ZFP36L2: variants seen among roughly 807,000 people sequenced by gnomAD.
ZFP36L2 encodes the protein mRNA decay activator protein ZFP36L2.
ZFP36L2 carries 16 observed loss-of-function variants against 27.9 expected under a neutral mutation model. That is an observed-to-expected ratio of 0.57 (90% CI 0.39 to 0.87). The LOEUF is 0.87. ZFP36L2 is among the 40% of genes least tolerant of loss of function. The probability of loss-of-function intolerance (pLI) is 0.00; values close to 1 mark genes in which losing one functional copy is unlikely to be tolerated. For synonymous variants in ZFP36L2, 600 were observed against 363.8 expected (o/e 1.65, Z -7.39); for missense variants, 989 against 726.9 (o/e 1.36, Z -4.15).
In ZFP36L2 at chr2:43,226,482, G is replaced by C. The variant is rs979357194; in HGVS notation, c.-167C>G. 1 of 838,860 alleles carries C rather than the reference G, an allele frequency of 1.2e-6. No individual in the cohort carries two copies. The highest frequency in any genetic ancestry group is 1.9e-6 in the Non-Finnish European group (1 of 537,048). 52.0% of individuals were successfully genotyped at this position (838,860 alleles called of 1,614,324 possible). A position where few individuals can be genotyped will look rare whatever the true frequency, so the allele number is the denominator to read the frequency against. ...AGGGCGAGTGCAGCGGCGCGGGCCG[G>C]CGGGAGGGTCCGGCGGAGTGCGGCA... On this transcript the variant is annotated 5_prime_UTR_variant, in exon 1 of 2. Coordinates refer to ENST00000282388, the MANE Select transcript of ZFP36L2 (RefSeq NM_006887.5).
In ZFP36L2 at chr2:43,225,059, C is replaced by T. The variant is rs1488231952; in HGVS notation, c.745G>A (p.Glu249Lys). ...RDALHLGFPR[E>K]PRPKLHHSLS... ...CTGTGGTGCAACTTGGGCCGCGGCT[C>T]CCGCGGGAAGCCCAGGTGCAACGCA... The change falls in exon 2 of 2, where the codon GAG (glutamate) becomes AAG (lysine). Residue 249 changes from glutamate to lysine, a missense_variant. Coordinates refer to ENST00000282388, the MANE Select transcript of ZFP36L2 (RefSeq NM_006887.5). 9.4e-6 allele frequency: 15 copies of T among 1,594,882 alleles called. No homozygotes were observed. In the South Asian group the frequency reaches 1.4e-4, roughly 15 times the overall value.
At position 43,224,260 on chromosome 2, in the gene ZFP36L2, G is replaced by GGGT; in HGVS notation, c.*56_*58dup. 6.9e-7 allele frequency: 1 copy of GGGT among 1,454,382 alleles called. No homozygotes were observed. Among genetic ancestry groups the GGGT allele is most frequent in the Non-Finnish European group, 9.1e-7 (1 of 1,102,034 alleles). The allele number at this position is 1,454,382 out of a possible 1,614,324, so 90.1% of individuals were successfully genotyped here. On this transcript the variant is annotated 3_prime_UTR_variant, in exon 2 of 2. Transcript: ENST00000282388. ...CCCCCAGCAAGGGCGAGATGGCGAG[G>GGGT]GGTGTCCTCCAACATCTCTGAACCG...
rs531595158 is a variant in ZFP36L2 at position 43,226,292 on chromosome 2, G to A, written c.24C>T (p.Ala8=). 3.8e-5 allele frequency: 60 copies of A among 1,589,640 alleles called. 2 individuals are homozygous for A. In the South Asian group the frequency reaches 5.9e-4, roughly 16 times the overall value. The part of the protein sequence containing the change: MSTTLLS[A]FYDVDFLCKT... The stretch of plus-strand genomic sequence containing the variant: ...TGCACAAGAAGTCGACATCGTAGAA[G>A]GCGGACAGAAGTGTGGTCGACATGT... Residue 8 remains alanine (A), a synonymous_variant, in exon 1 of 2, where the codon GCC becomes GCT. Coordinates refer to ENST00000282388, the MANE Select transcript of ZFP36L2 (RefSeq NM_006887.5).
At position 43,224,770 on chromosome 2, in the gene ZFP36L2, G is replaced by A. The variant is rs763570627; in HGVS notation, c.1034C>T (p.Ala345Val). The change falls in exon 2 of 2, where the codon GCG (alanine) becomes GTG (valine). Residue 345 changes from alanine to valine, a missense_variant. Transcript: ENST00000282388. ...YGTGGAEDLL[A>V]PGAPCAACSS... ...GCAGGCCGCGCACGGGGCCCCCGGC[G>A]CCAGCAGGTCCTCGGCGCCCCCGGT... 9 of 1,481,824 alleles carry A rather than the reference G, an allele frequency of 6.1e-6. No homozygotes were observed. The African/African-American group carries it at 1.0e-4, about 17-fold the overall frequency. The allele number at this position is 1,481,824 out of a possible 1,614,324, so 91.8% of individuals were successfully genotyped here.
chr2:43,222,511 C>T lies in ZFP36L2; in HGVS notation c.*1808G>A, dbSNP rs528112946. 2.6e-5 allele frequency: 4 copies of T among 152,464 alleles called. No individual in the cohort carries two copies. The South Asian group carries it at 6.2e-4, about 24-fold the overall frequency. 9.4% of individuals were successfully genotyped at this position (152,464 alleles called of 1,614,324 possible). A position where few individuals can be genotyped will look rare whatever the true frequency, so the allele number is the denominator to read the frequency against. ...TGATTCCCCAAAATATATTACAACT[C>T]AAGTTGACTTATCTTGTTACATTCA... On this transcript the variant is annotated 3_prime_UTR_variant, in exon 2 of 2. Transcript: ENST00000282388.
Position 43,224,525 on chromosome 2 carries a change from G to T in ZFP36L2, c.1279C>A (p.Pro427Thr). 1 of 1,471,548 alleles carries T rather than the reference G, an allele frequency of 6.8e-7. No individual in the cohort carries two copies. The highest frequency in any genetic ancestry group is 9.0e-7 in the Non-Finnish European group (1 of 1,116,586). The allele number at this position is 1,471,548 out of a possible 1,614,324, so 91.2% of individuals were successfully genotyped here. ...CGCGGCAGCTGGAAGCTGAAGGGCG[G>T]CGAGGGAGGTGCGGCGGCCCCGGCG... ...LPAGAAAPPS[P>T]PFSFQLPRRL... is the part of the protein sequence containing the mutation. The change falls in exon 2 of 2, where the codon CCG becomes ACG. Residue 427 changes from proline to threonine, a missense_variant. By Grantham distance (38) the Pro-to-Thr change is conservative. Coordinates refer to ENST00000282388, the MANE Select transcript of ZFP36L2 (RefSeq NM_006887.5).
chr2:43,223,997 T>C lies in ZFP36L2; in HGVS notation c.*322A>G, dbSNP rs868803928. 95 of 237,968 alleles carry C rather than the reference T, an allele frequency of 4.0e-4. No homozygotes were observed. The highest frequency in any genetic ancestry group is 2.0e-3 in the African/African-American group (91 of 44,450). 14.7% of individuals were successfully genotyped at this position (237,968 alleles called of 1,614,324 possible). On this transcript the variant is annotated 3_prime_UTR_variant, in exon 2 of 2. Transcript: ENST00000282388. ...GTCCTAACAAAGTTTAAGTGTTTTT[T>C]TTTTTTTTTTGTTCTATTCGTATCA...
At position 43,224,270 on chromosome 2, in the gene ZFP36L2, C is replaced by T; in HGVS notation, c.*49G>A. On this transcript the variant is annotated 3_prime_UTR_variant, in exon 2 of 2. Coordinates refer to ENST00000282388, the MANE Select transcript of ZFP36L2 (RefSeq NM_006887.5). Reference sequence around the variant, plus strand: ...GGGCGAGATGGCGAGGGGTGTCCTCCAACATCTCTGAACCGCCTTCCCTTC... The same window carrying T: ...GGGCGAGATGGCGAGGGGTGTCCTCTAACATCTCTGAACCGCCTTCCCTTC... The T allele has an allele frequency of 6.8e-7, 1 of 1,478,962 alleles. No homozygotes were observed. Among genetic ancestry groups the T allele is most frequent in the Non-Finnish European group, 9.0e-7 (1 of 1,116,880 alleles). The allele number at this position is 1,478,962 out of a possible 1,614,324, so 91.6% of individuals were successfully genotyped here. A position where few individuals can be genotyped will look rare whatever the true frequency, so the allele number is the denominator to read the frequency against.
rs1027925098 is a variant in ZFP36L2 at position 43,225,393 on chromosome 2, C to T, written c.411G>A (p.Leu137=). ...NGDRSQHLLH[L]QQQQKGGGGS... ...CGCCGCCCCCCTTCTGCTGCTGCTGCAGGTGCAGGAGGTGCTGGCTGCGAT... is the reference window on the plus strand; with the variant it reads ...CGCCGCCCCCCTTCTGCTGCTGCTGTAGGTGCAGGAGGTGCTGGCTGCGAT... The change falls in exon 2 of 2, where the codon CTG becomes CTA. Residue 137 remains leucine, a synonymous_variant. Coordinates refer to ENST00000282388, the MANE Select transcript of ZFP36L2 (RefSeq NM_006887.5). 1.2e-6 allele frequency: 2 copies of T among 1,613,370 alleles called. No homozygotes were observed. Among genetic ancestry groups the T allele is most frequent in the Non-Finnish European group, 1.7e-6 (2 of 1,179,870 alleles).
At position 43,225,695 on chromosome 2, in the gene ZFP36L2, C is replaced by A; in HGVS notation, c.109G>T (p.Gly37Trp). The change falls in exon 2 of 2, where the codon GGG becomes TGG. Residue 37 changes from glycine (G) to tryptophan (W), a missense_variant. Physicochemically the swap from Gly to Trp is radical, Grantham distance 184. Coordinates refer to ENST00000282388, the MANE Select transcript of ZFP36L2 (RefSeq NM_006887.5). ...CTGGGGGCGGCGGCCACAGGCGTCCCCACCGCCTTCTTGTCCAGCATGTTG... is the reference window on the plus strand; with the variant it reads ...CTGGGGGCGGCGGCCACAGGCGTCCACACCGCCTTCTTGTCCAGCATGTTG... ...LNNMLDKKAV[G>W]TPVAAAPSSG... is the part of the protein sequence containing the mutation. The A allele has an allele frequency of 6.3e-7, 1 of 1,595,416 alleles. No homozygotes were observed. Among genetic ancestry groups the A allele is most frequent in the Admixed American group, 1.7e-5 (1 of 59,802 alleles).
intron 1 of ZFP36L2, 125 bp from the exon 2 acceptor site, chr2:43,225,877 G>C: frequency 1.9e-6 from 2 of 1,049,960 alleles, no homozygotes; most frequent in Non-Finnish European, 2.7e-6. Context: ...GGCGGATCCC[G>C]ACTCGGCCTC....
rs373300759 is a variant in ZFP36L2, at chr2:43,225,707, T to C, written c.97A>G (p.Lys33Glu). The change falls in exon 2 of 2, where the codon AAG becomes GAG. Residue 33 changes from lysine (K) to glutamate (E), a missense_variant. Lys to Glu is a moderately conservative substitution (Grantham distance 56). Transcript: ENST00000282388. ...ANLNLNNMLD[K>E]KAVGTPVAAA... ...GCCACAGGCGTCCCCACCGCCTTCT[T>C]GTCCAGCATGTTGTTCAGGTTGAGG... 6.3e-6 allele frequency: 10 copies of C among 1,595,264 alleles called. No individual in the cohort carries two copies. Among genetic ancestry groups the C allele is most frequent in the Non-Finnish European group, 8.5e-6 (10 of 1,178,636 alleles).
At position 43,224,217 on chromosome 2, in the gene ZFP36L2, A is replaced by AC. The variant is rs893962631; in HGVS notation, c.*101dup. On this transcript the variant is annotated 3_prime_UTR_variant, in exon 2 of 2. Coordinates refer to ENST00000282388, the MANE Select transcript of ZFP36L2 (RefSeq NM_006887.5). The stretch of plus-strand genomic sequence containing the variant: ...TTGCAGTCTGCCTAGGGCCCATGTC[A>AC]CCCCCCCCACTCCCGTGCCCCCAGC... The AC allele has an allele frequency of 4.7e-4, 594 of 1,267,022 alleles. No homozygotes were observed. Among genetic ancestry groups the AC allele is most frequent in the East Asian group, 1.5e-3 (48 of 32,166 alleles). The allele number at this position is 1,267,022 out of a possible 1,614,324, so 78.5% of individuals were successfully genotyped here.
chr2:43,225,449 A>C lies in ZFP36L2; in HGVS notation c.355T>G (p.Phe119Val), dbSNP rs1667070180. The C allele has an allele frequency of 6.2e-7, 1 of 1,610,704 alleles. No homozygotes were observed. Among genetic ancestry groups the C allele is most frequent in the South Asian group, 1.1e-5 (1 of 90,932 alleles). Residue 119 changes from phenylalanine (F) to valine (V), a missense_variant, in exon 2 of 2, where the codon TTC becomes GTC. Coordinates refer to ENST00000282388, the MANE Select transcript of ZFP36L2 (RefSeq NM_006887.5). ...TTCTCGCTAAACGAGCGGTCCCGGAATTTGTTCTCCTTGTTGAGCAGGGCT... is the reference window on the plus strand; with the variant it reads ...TTCTCGCTAAACGAGCGGTCCCGGACTTTGTTCTCCTTGTTGAGCAGGGCT... ...GTALLNKENK[F>V]RDRSFSENGD...
rs1667050178 is a variant in ZFP36L2 at position 43,224,808 on chromosome 2, A to G, written c.996T>C (p.Ala332=). 2.1e-6 allele frequency: 3 copies of G among 1,423,294 alleles called. No homozygotes were observed. The highest frequency in any genetic ancestry group is 3.4e-5 in the Admixed American group (1 of 29,236). The allele number at this position is 1,423,294 out of a possible 1,614,324, so 88.2% of individuals were successfully genotyped here. A position where few individuals can be genotyped will look rare whatever the true frequency, so the allele number is the denominator to read the frequency against. Residue 332 remains alanine, a synonymous_variant, in exon 2 of 2, where the codon GCT becomes GCC. Coordinates refer to ENST00000282388, the MANE Select transcript of ZFP36L2 (RefSeq NM_006887.5). ...CASAAAAAAA[A]LLYGTGGAED... Reference sequence around the variant, plus strand: ...CGGCGCCCCCGGTGCCGTACAGCAGAGCGGCCGCAGCCGCGGCCGCCGCGG... The same window carrying G: ...CGGCGCCCCCGGTGCCGTACAGCAGGGCGGCCGCAGCCGCGGCCGCCGCGG...
Position 43,225,103 on chromosome 2 carries a change from C to T in ZFP36L2, c.701G>A (p.Arg234His), listed in dbSNP as rs1178582599. The T allele has an allele frequency of 6.3e-7, 1 of 1,592,592 alleles. No homozygotes were observed. The highest frequency in any genetic ancestry group is 8.5e-7 in the Non-Finnish European group (1 of 1,176,942). ...APSGGASGDL[R>H]AFGTRDALHL... ...CAACGCATCGCGCGTGCCAAAGGCA[C>T]GCAGGTCCCCGGAGGCGCCCCCCGA... The change falls in exon 2 of 2, where the codon CGT (arginine) becomes CAT (histidine). Residue 234 changes from arginine (R) to histidine (H), a missense_variant. Physicochemically the swap from Arg to His is conservative, Grantham distance 29. Coordinates refer to ENST00000282388, the MANE Select transcript of ZFP36L2 (RefSeq NM_006887.5).
chr2:43,223,991 GTT>G lies in ZFP36L2; in HGVS notation c.*326_*327del, dbSNP rs59794453. ...ATCGGAGTCCTAACAAAGTTTAAGT[GTT>G]TTTTTTTTTTTTTTGTTCTATTCGT... On this transcript the variant is annotated 3_prime_UTR_variant, in exon 2 of 2. Coordinates refer to ENST00000282388, the MANE Select transcript of ZFP36L2 (RefSeq NM_006887.5). The G allele has an allele frequency of 8.5e-3, 1,379 of 161,754 alleles. No homozygotes were observed. The highest frequency in any genetic ancestry group is 0.014 in the Middle Eastern group (6 of 416). 10.0% of individuals were successfully genotyped at this position (161,754 alleles called of 1,614,324 possible). A position where few individuals can be genotyped will look rare whatever the true frequency, so the allele number is the denominator to read the frequency against.
chr2:43,225,604 G>A lies in ZFP36L2; in HGVS notation c.200C>T (p.Pro67Leu), dbSNP rs752701106. The stretch of plus-strand genomic sequence containing the variant: ...CGAGCAGCTGCCGGGGCTGGGCGCG[G>A]GGTGGGCGAGTGCATGCAGGTTGCT... Reference protein sequence around the residue: ...SASNLHALAHPAPSPGSCSPK... With the variant: ...SASNLHALAHLAPSPGSCSPK... Residue 67 changes from proline (P) to leucine (L), a missense_variant, in exon 2 of 2, where the codon CCC becomes CTC. By Grantham distance (98) the Pro-to-Leu change is moderately conservative. Coordinates refer to ENST00000282388, the MANE Select transcript of ZFP36L2 (RefSeq NM_006887.5). The A allele has an allele frequency of 1.3e-6, 2 of 1,559,242 alleles. No homozygotes were observed. Among genetic ancestry groups the A allele is most frequent in the South Asian group, 2.3e-5 (2 of 87,322 alleles).
Position 43,225,140 on chromosome 2 carries a change from G to A in ZFP36L2, c.664C>T (p.Arg222Trp), listed in dbSNP as rs748998110. The A allele has an allele frequency of 1.3e-6, 2 of 1,595,364 alleles. No individual in the cohort carries two copies. The highest frequency in any genetic ancestry group is 1.7e-6 in the Non-Finnish European group (2 of 1,178,182). ...GAGGCGCCCCCCGACGGCGCGGGCCGCCGCTCGTCCGCGTTGTGGATGAAG... is the reference window on the plus strand; with the variant it reads ...GAGGCGCCCCCCGACGGCGCGGGCCACCGCTCGTCCGCGTTGTGGATGAAG... ...CHFIHNADER[R>W]PAPSGGASGD... Residue 222 changes from arginine (R) to tryptophan (W), a missense_variant, in exon 2 of 2, where the codon CGG (arginine) becomes TGG (tryptophan). Arg to Trp is a moderately radical substitution (Grantham distance 101). Transcript: ENST00000282388.
Sources: allele counts gnomAD v4.1 joint callset, GRCh38; gene constraint gnomAD v4.1.1; transcripts MANE v1.5; gene names NCBI Gene and HGNC (gene_info 2026-07-23, HGNC 2026-07-21).